Variants in NSG2 observed in about 807,000 individuals in gnomAD.
The protein encoded by NSG2 is neuronal vesicle trafficking-associated protein 2.
In NSG2, 4 loss-of-function variants were observed where a neutral mutation model predicts 16.9. That is an observed-to-expected ratio of 0.24 (90% CI 0.12 to 0.54). The LOEUF is 0.54. NSG2 is among the 20% of genes least tolerant of loss of function. The probability of loss-of-function intolerance (pLI) is 0.95; values close to 1 mark genes in which losing one functional copy is unlikely to be tolerated. For missense variants in NSG2, 179 were observed against 221.1 expected, an observed-to-expected ratio of 0.81 and a Z score of 1.21; for synonymous variants, 98 against 88.7, an observed-to-expected ratio of 1.11 and a Z score of -0.59.
intron 3 of NSG2, among the ~76,000 whole-genome samples, chr5:174,097,811 CTG>C (rs1408454447): frequency 2.1e-5 from 3 of 141,674 alleles, no homozygotes; most frequent in East Asian, 2.1e-4. Context: ...GTGTGTGTAA[CTG>C]TGTGTGTGAG....
At chr5:174,058,335 A>G (rs968819147) in intron 2 of NSG2, among the ~76,000 whole-genome samples, 17 of 152,122 alleles carry the variant, frequency 1.1e-4, no homozygotes, top group Non-Finnish European at 2.5e-4. Context: ...GGAGGCTGAG[A>G]CAGGAGAATT....
chr5:174,083,182 A>G (rs1760519119), intron 3 of NSG2, among the ~76,000 whole-genome samples: 1 of 152,080 alleles, frequency 6.6e-6, no homozygotes, highest in African/African-American at 2.4e-5. Context: ...CTTGCCTTCT[A>G]TGAGTCTTTC....
In NSG2 at chr5:174,099,482, T is replaced by C. The variant is rs577810718; in HGVS notation, c.214-4746T>C. Among the ~76,000 whole-genome samples the C allele has an allele frequency of 6.6e-5, 10 of 151,918 alleles. No individual in the cohort carries two copies. The East Asian group carries it at 1.9e-3, about 30-fold the overall frequency. On this transcript the variant is annotated intron_variant, in intron 3 of 4. Coordinates refer to ENST00000303177, the MANE Select transcript of NSG2 (RefSeq NM_015980.5). The stretch of plus-strand genomic sequence containing the variant: ...GCCTTCAGCCATCCCCCTGCAAACA[T>C]GCCTCCTGTTGCCCCCAGAGACATC...
At chr5:174,086,275 G>C (rs1237016008) in intron 3 of NSG2, 1 of 152,154 alleles carries the variant, frequency 6.6e-6, no homozygotes, top group Non-Finnish European at 1.5e-5. Context: ...CTCTAAAATA[G>C]GGATAAAAAG....
At chr5:174,098,256 GGGAGA>G (rs1304835477) in intron 3 of NSG2, among the ~76,000 whole-genome samples, 1 of 152,200 alleles carries the variant, frequency 6.6e-6, no homozygotes, top group African/African-American at 2.4e-5. Context: ...TGAACCAGTG[GGGAGA>G]GGTACATGAG....
At chr5:174,104,947 A>G (rs1234486727) in intron 4 of NSG2, among the ~76,000 whole-genome samples, 1 of 152,190 alleles carries the variant, frequency 6.6e-6, no homozygotes, top group African/African-American at 2.4e-5. Flanking sequence ...ATCAGTTAAC[A>G]AAGGGCCTAT....
chr5:174,067,051 A>T (rs1046351509), intron 3 of NSG2, among the ~76,000 whole-genome samples: 5 of 151,796 alleles, frequency 3.3e-5, no homozygotes, highest in African/African-American at 1.2e-4. Flanking sequence ...AATTTGGGCA[A>T]ATACTTAAAG....
intron 3 of NSG2, among the ~76,000 whole-genome samples, chr5:174,091,714 G>A (rs1380622468): frequency 6.6e-6 from 1 of 151,852 alleles, no homozygotes; most frequent in Admixed American, 6.6e-5. Context: ...AGTGAAGTGG[G>A]ACAGGTAAGC....
intron 3 of NSG2, among the ~76,000 whole-genome samples, chr5:174,071,517 G>A (rs943533820): frequency 5.3e-5 from 8 of 152,226 alleles, no homozygotes; most frequent in Non-Finnish European, 1.2e-4. Context: ...ACCAGTGTCA[G>A]TGGGCTATTA....
chr5:174,052,638 G>A (rs1489361268), intron 2 of NSG2, among the ~76,000 whole-genome samples: 1 of 152,192 alleles, frequency 6.6e-6, no homozygotes, highest in Non-Finnish European at 1.5e-5. Flanking sequence ...TTGGTGCTTT[G>A]CTGCCTTTGG....
chr5:174,063,240 G>GGACACA (rs1349032132), intron 2 of NSG2, among the ~76,000 whole-genome samples: 4 of 152,174 alleles, frequency 2.6e-5, no homozygotes, highest in Admixed American at 2.6e-4. Context: ...TGTTCCTCAT[G>GGACACA]GCACTGCAGC....
chr5:174,085,729 G>A (rs1323448322), intron 3 of NSG2, among the ~76,000 whole-genome samples: 3 of 152,134 alleles, frequency 2.0e-5, no homozygotes, highest in African/African-American at 4.8e-5. Context: ...TTTCCCAAAC[G>A]CTAGTGATTG....
chr5:174,086,377 A>C (rs991123601), intron 3 of NSG2: 5 of 152,264 alleles, frequency 3.3e-5, no homozygotes, highest in Non-Finnish European at 7.3e-5. Context: ...GGGAAACTTC[A>C]TGTAATTTCA....
chr5:174,086,874 T>G (rs1027201282), intron 3 of NSG2, among the ~76,000 whole-genome samples: 1 of 152,222 alleles, frequency 6.6e-6, no homozygotes, highest in Non-Finnish European at 1.5e-5. Flanking sequence ...TCCTAACGAT[T>G]ATACCACAGC....
At chr5:174,061,770 A>AT (rs1015501127) in intron 2 of NSG2, among the ~76,000 whole-genome samples, 3 of 151,716 alleles carry the variant, frequency 2.0e-5, no homozygotes, top group African/African-American at 4.8e-5. Flanking sequence ...TGCCCAGCTA[A>AT]TTTTTTTAAT....
intron 3 of NSG2, among the ~76,000 whole-genome samples, chr5:174,075,990 T>C (rs1489223105): frequency 1.3e-5 from 2 of 152,228 alleles, no homozygotes; most frequent in South Asian, 2.1e-4. Context: ...TGGGTGATCA[T>C]CATTCATTCA....
intron 3 of NSG2, among the ~76,000 whole-genome samples, chr5:174,096,439 G>T (rs1760795305): frequency 1.3e-5 from 2 of 152,160 alleles, no homozygotes; most frequent in South Asian, 4.1e-4. Context: ...CATGGGGGTG[G>T]GGAAAACTGG....
At chr5:174,054,528 A>C (rs1759937939) in intron 2 of NSG2, among the ~76,000 whole-genome samples, 1 of 152,132 alleles carries the variant, frequency 6.6e-6, no homozygotes, top group South Asian at 2.1e-4. Context: ...GACTACAGGC[A>C]CATGCTACCA....
At chr5:174,047,414 G>A (rs558690028) in intron 2 of NSG2, among the ~76,000 whole-genome samples, 13 of 152,340 alleles carry the variant, frequency 8.5e-5, no homozygotes, top group African/African-American at 2.6e-4. Flanking sequence ...TTGTGAGGGT[G>A]CACAGGTGGA....
Sources: gnomAD v4.1 joint callset for allele counts (sites outside exome capture counted in the v4.1 genomes callset) on GRCh38, gnomAD v4.1.1 for gene constraint, MANE v1.5 for transcripts, NCBI Gene and HGNC (gene_info 2026-07-23, HGNC 2026-07-21) for gene names.